The following ANO6 variants were observed in gnomAD, a reference collection of about 807,000 sequenced individuals.
ANO6 encodes the protein anoctamin-6.
A neutral mutation model predicts 117.5 loss-of-function variants in ANO6; 106 were observed. The observed-to-expected ratio is 0.90, with a 90% CI of 0.77 to 1.06. ANO6 has a LOEUF of 1.06. Ranked by LOEUF, ANO6 falls within the 50% of genes least tolerant of loss-of-function variation. The pLI is 0.00. For missense variants in ANO6, 955 were observed against 1,121.1 expected (o/e 0.85, Z 2.12); for synonymous variants, 367 against 385.1 (o/e 0.95, Z 0.55).
chr12:45,435,734 G>A (rs1943700233), downstream of ANO6, among the ~76,000 whole-genome samples: 1 of 151,952 alleles, frequency 6.6e-6, no homozygotes, highest in Non-Finnish European at 1.5e-5. Flanking sequence ...ATGAAGGCAA[G>A]GTCTGGGGCA....
intron 1 of ANO6, among the ~76,000 whole-genome samples, chr12:45,274,047 TCTGCTCA>T (rs1192016759): frequency 1.3e-5 from 2 of 152,304 alleles, no homozygotes; most frequent in African/African-American, 4.8e-5. Flanking sequence ...TTATCTTGAT[TCTGCTCA>T]CTGCTCACTT....
chr12:45,395,030 CA>C (rs1292049013), intron 12 of ANO6, among the ~76,000 whole-genome samples: 1 of 152,080 alleles, frequency 6.6e-6, no homozygotes, highest in Non-Finnish European at 1.5e-5. Flanking sequence ...AAAAACCCTT[CA>C]AAAAATCAGT....
At position 45,323,006 on chromosome 12, in the gene ANO6, A is replaced by G. The variant is rs188687384; in HGVS notation, c.151-8289A>G. 5.7e-4 allele frequency among the ~76,000 whole-genome samples: 86 copies of G among 152,204 alleles called. No homozygotes were observed. The East Asian group carries it at 0.01, about 18-fold the overall frequency. On this transcript the variant is annotated intron_variant, in intron 2 of 19. Transcript: ENST00000320560. ...TCATGTTAAGATCACGACAACTACA[A>G]TTGTCTCAATGGTTAGTACATTTTC...
At chr12:45,292,847 G>T in intron 1 of ANO6, 1 of 1,542,484 alleles carries the variant, frequency 6.5e-7, no homozygotes, top group South Asian at 1.2e-5. Context: ...TGTCACTTAA[G>T]GTAGAGGTAG....
chr12:45,310,223 A>T (rs1255660712), intron 2 of ANO6, among the ~76,000 whole-genome samples: 1 of 152,100 alleles, frequency 6.6e-6, no homozygotes, highest in Non-Finnish European at 1.5e-5. Context: ...ACAGAATGTT[A>T]TTTTCCCAGA....
At chr12:45,273,010 T>C (rs908846683) in intron 1 of ANO6, among the ~76,000 whole-genome samples, 4 of 152,168 alleles carry the variant, frequency 2.6e-5, no homozygotes, top group Non-Finnish European at 5.9e-5. Context: ...TGTGACAACA[T>C]GGATGAACCT....
At chr12:45,221,534 A>G (rs751958982) in intron 1 of ANO6, among the ~76,000 whole-genome samples, 73 of 152,130 alleles carry the variant, frequency 4.8e-4, no homozygotes, top group Non-Finnish European at 8.5e-4. Context: ...TGTGATTTGG[A>G]GCTCCTGAAG....
At chr12:45,302,181 T>G in intron 2 of ANO6, 88 bp downstream of exon 2, 1 of 1,144,088 alleles carries the variant, frequency 8.7e-7, no homozygotes, top group Non-Finnish European at 1.3e-6. Flanking sequence ...ATGAATTCAT[T>G]CCTTCAATGG....
chr12:45,256,370 A>T (rs2137199811), intron 1 of ANO6: 1 of 152,246 alleles, frequency 6.6e-6, no homozygotes, highest in South Asian at 2.1e-4. Flanking sequence ...ATTTATTTTC[A>T]TATCCGTCTG....
rs1392724456 is a variant in ANO6, at chr12:45,378,119, T to G, written c.1165+6T>G. Reference sequence around the variant, plus strand: ...AGTATTTATGGGAGTATGGGGTAAGTTTTTTTTTTTTTTTTCATGCACTCA... The same window carrying G: ...AGTATTTATGGGAGTATGGGGTAAGGTTTTTTTTTTTTTTTCATGCACTCA... On this transcript the variant is annotated splice_donor_region_variant and intron_variant, in intron 10 of 19. Transcript: ENST00000320560. 4 of 416,164 alleles carry G rather than the reference T, an allele frequency of 9.6e-6. No homozygotes were observed. The highest frequency in any genetic ancestry group is 2.6e-4 in the East Asian group (2 of 7,594). The allele number at this position is 416,164 out of a possible 1,614,324, so 25.8% of individuals were successfully genotyped here. A position where few individuals can be genotyped will look rare whatever the true frequency, so the allele number is the denominator to read the frequency against.
rs1939229740 is a variant in ANO6 at position 45,294,699 on chromosome 12, G to A, written c.71-7315G>A. ...ATCCAGATTCAGACATTTCCTGATT[G>A]ACATTTCTTTTCATTAGAAACAAGT... On this transcript the variant is annotated intron_variant, in intron 1 of 19. Transcript: ENST00000320560. Among the ~76,000 whole-genome samples the A allele has an allele frequency of 1.3e-5, 2 of 152,172 alleles. 1 individual carries two copies.
chr12:45,406,486 A>G (rs1942938608), intron 15 of ANO6, among the ~76,000 whole-genome samples: 1 of 151,992 alleles, frequency 6.6e-6, no homozygotes, highest in African/African-American at 2.4e-5. Flanking sequence ...TGTAGTATCA[A>G]TTGTTTGGTA....
At chr12:45,387,855 ATGAGATC>A (rs1435207657) in intron 10 of ANO6, among the ~76,000 whole-genome samples, 1 of 152,072 alleles carries the variant, frequency 6.6e-6, no homozygotes, top group African/African-American at 2.4e-5. Context: ...GTGAGTTCTC[ATGAGATC>A]TGATGGTTTA....
At chr12:45,410,459 T>C (rs573268650) in intron 16 of ANO6, among the ~76,000 whole-genome samples, 20 of 152,336 alleles carry the variant, frequency 1.3e-4, no homozygotes, top group African/African-American at 3.8e-4. Context: ...TTCTTTTCAG[T>C]AGAACTTGAT....
rs1314177671 is a variant in ANO6 at position 45,401,900 on chromosome 12, A to G, written c.1492A>G (p.Ile498Val). The G allele has an allele frequency of 3.7e-6, 6 of 1,613,928 alleles. No individual in the cohort carries two copies. Among genetic ancestry groups the G allele is most frequent in the East Asian group, 2.2e-5 (1 of 44,874 alleles). The stretch of plus-strand genomic sequence containing the variant: ...CAAGAACATTAATGGAACAGACCCA[A>G]TCCAGAAATACCTGACTCCACAGAC... ...LPKNINGTDP[I>V]QKYLTPQTAT... is the part of the protein sequence containing the mutation. Residue 498 changes from isoleucine (I) to valine (V), a missense_variant, in exon 13 of 20, where the codon ATC (isoleucine) becomes GTC (valine). By Grantham distance (29) the Ile-to-Val change is conservative (BLOSUM62 3). Coordinates refer to ENST00000320560, the MANE Select transcript of ANO6 (RefSeq NM_001025356.3).
intron 7 of ANO6, among the ~76,000 whole-genome samples, chr12:45,355,729 C>G (rs893695180): frequency 6.6e-6 from 1 of 152,164 alleles, no homozygotes; most frequent in African/African-American, 2.4e-5. Flanking sequence ...CTCAGCTCTT[C>G]CTTTTTTCCC....
At chr12:45,365,865 A>C (rs1303580727) in intron 8 of ANO6, among the ~76,000 whole-genome samples, 1 of 152,212 alleles carries the variant, frequency 6.6e-6, no homozygotes, top group Non-Finnish European at 1.5e-5. Flanking sequence ...GACATCAAGC[A>C]CTTGGTTAAT....
chr12:45,314,672 C>A (rs1236578885), intron 2 of ANO6, among the ~76,000 whole-genome samples: 1 of 151,892 alleles, frequency 6.6e-6, no homozygotes, highest in African/African-American at 2.4e-5. Flanking sequence ...GTGCCAGAAT[C>A]TATATATTGA....
At chr12:45,339,439 T>C (rs536647109) in intron 3 of ANO6, among the ~76,000 whole-genome samples, 1 of 152,296 alleles carries the variant, frequency 6.6e-6, no homozygotes, top group Non-Finnish European at 1.5e-5. Flanking sequence ...GTTTATTTTT[T>C]CTTCTTTGAA....
Sources: allele counts gnomAD v4.1 joint callset (sites outside exome capture counted in the v4.1 genomes callset), GRCh38; gene constraint gnomAD v4.1.1; transcripts MANE v1.5; gene names NCBI Gene and HGNC (gene_info 2026-07-23, HGNC 2026-07-21).